Variants in TMEM108 observed in about 807,000 individuals in gnomAD.
TMEM108 encodes the protein cancer/testis antigen 124.
TMEM108 carries 12 observed loss-of-function variants against 35.1 expected under a neutral mutation model. The ratio of observed to expected loss-of-function variants is 0.34; its 90% CI spans 0.22 to 0.55. The LOEUF is 0.55. Ranked by LOEUF, TMEM108 falls within the 20% of genes least tolerant of loss-of-function variation. The probability of loss-of-function intolerance (pLI) is 0.89; values close to 1 mark genes in which losing one functional copy is unlikely to be tolerated. For missense variants in TMEM108, 680 were observed against 753.3 expected (o/e 0.90, Z 1.14); for synonymous variants, 287 against 308.6 (o/e 0.93, Z 0.73).
chr3:133,325,498 TAA>T (rs1350936365), intron 3 of TMEM108, among the ~76,000 whole-genome samples: 3 of 152,134 alleles, frequency 2.0e-5, no homozygotes, highest in South Asian at 4.1e-4. Context: ...AAAAATTACT[TAA>T]GAGACAACAA....
rs768298611 is a variant in TMEM108 at position 133,395,979 on chromosome 3, A to G, written c.1721A>G (p.Glu574Gly). The part of the protein sequence containing the change: ...TLFVGNDQVS[E>G]I ...TTTGTGGGAAACGATCAAGTATCTG[A>G]GATCTAACTACAGCAGGCATCACTT... The change falls in exon 6 of 6, where the codon GAG becomes GGG. Residue 574 changes from glutamate (E) to glycine (G), a missense_variant. Around this residue, in one of 3 missense-constraint regions of TMEM108, gnomAD observed 105 missense variants for 150.7 expected, o/e 0.70. Coordinates refer to ENST00000321871, the MANE Select transcript of TMEM108 (RefSeq NM_023943.4). 10 of 1,595,034 alleles carry G rather than the reference A, an allele frequency of 6.3e-6. No individual in the cohort carries two copies. Among genetic ancestry groups the G allele is most frequent in the Non-Finnish European group, 8.5e-6 (10 of 1,171,260 alleles).
Position 133,116,207 on chromosome 3 carries a change from G to A in TMEM108, c.-47+70187G>A, listed in dbSNP as rs538216566. On this transcript the variant is annotated intron_variant, in intron 2 of 5. Coordinates refer to ENST00000321871, the MANE Select transcript of TMEM108 (RefSeq NM_023943.4). Reference sequence around the variant, plus strand: ...CTCATTTCTCTGGGGCATTGTCTTCGTAAACATTTTGTGATGCATCAGTAA... The same window carrying A: ...CTCATTTCTCTGGGGCATTGTCTTCATAAACATTTTGTGATGCATCAGTAA... Among the ~76,000 whole-genome samples, 11 of 152,146 alleles carry A rather than the reference G, an allele frequency of 7.2e-5. No individual in the cohort carries two copies. The South Asian group carries it at 8.3e-4, about 11-fold the overall frequency.
chr3:133,303,530 T>C (rs1335466953), intron 3 of TMEM108, among the ~76,000 whole-genome samples: 1 of 152,054 alleles, frequency 6.6e-6, no homozygotes, highest in Non-Finnish European at 1.5e-5. Context: ...CTTCCTAATG[T>C]CCCCCTTCTA....
chr3:133,039,399 C>T (rs998771711), intron 1 of TMEM108, among the ~76,000 whole-genome samples: 10 of 152,152 alleles, frequency 6.6e-5, no homozygotes, highest in Non-Finnish European at 1.3e-4. Context: ...ACTCACACGT[C>T]CTTAATTCTT....
rs765970493 is a variant in TMEM108, at chr3:133,381,118, C to T, written c.1407C>T (p.Ile469=). ...RATICLSKMD[I]AWVILAISVP... Reference sequence around the variant, plus strand: ...CCATCTGCCTGAGCAAGATGGATATCGCCTGGGTGATCCTGGCCATCAGCG... The same window carrying T: ...CCATCTGCCTGAGCAAGATGGATATTGCCTGGGTGATCCTGGCCATCAGCG... Residue 469 remains isoleucine, a synonymous_variant, in exon 4 of 6, where the codon ATC becomes ATT. Coordinates refer to ENST00000321871, the MANE Select transcript of TMEM108 (RefSeq NM_023943.4). The T allele has an allele frequency of 4.3e-6, 7 of 1,611,566 alleles. No individual in the cohort carries two copies. The South Asian group carries it at 4.4e-5, about 10-fold the overall frequency.
At chr3:133,361,491 G>A (rs2072347956) in intron 3 of TMEM108, among the ~76,000 whole-genome samples, 1 of 152,192 alleles carries the variant, frequency 6.6e-6, no homozygotes, top group Admixed American at 6.5e-5. Context: ...CCAAAAATTA[G>A]CATCTTAAAA....
At chr3:133,078,831 A>G (rs1312857884) in intron 2 of TMEM108, among the ~76,000 whole-genome samples, 2 of 152,196 alleles carry the variant, frequency 1.3e-5, no homozygotes, top group Admixed American at 1.3e-4. Context: ...TGGATCTTGT[A>G]GGAAAAAGAC....
At position 133,337,874 on chromosome 3, in the gene TMEM108, A is replaced by G. The variant is rs188531733; in HGVS notation, c.41-41878A>G. Among the ~76,000 whole-genome samples the G allele has an allele frequency of 6.7e-3, 1,027 of 152,302 alleles. 17 individuals are homozygous for G. Among genetic ancestry groups the G allele is most frequent in the African/African-American group, 0.023 (963 of 41,570 alleles). On this transcript the variant is annotated intron_variant, in intron 3 of 5. Transcript: ENST00000321871. ...AAACAGATTGAAATAATTAAAAACA[A>G]TCAAGCAGAAATACTGGAGTTGAAA... is the stretch of plus-strand genomic sequence containing the variant.
intron 3 of TMEM108, among the ~76,000 whole-genome samples, chr3:133,362,652 G>A (rs979525458): frequency 2.0e-5 from 3 of 152,128 alleles, no homozygotes; most frequent in Admixed American, 6.5e-5. Context: ...TAGGAAAGGA[G>A]CTCTGCAGCC....
At chr3:133,375,067 C>G (rs1414866108) in intron 3 of TMEM108, among the ~76,000 whole-genome samples, 15 of 152,234 alleles carry the variant, frequency 9.9e-5, no homozygotes, top group Non-Finnish European at 1.5e-5. Flanking sequence ...AATAATACTA[C>G]CTGCTTCATG....
chr3:133,179,817 A>C (rs908267581), intron 2 of TMEM108, among the ~76,000 whole-genome samples: 1 of 151,978 alleles, frequency 6.6e-6, no homozygotes, highest in African/African-American at 2.4e-5. Flanking sequence ...AAAAAAATAA[A>C]ATAAAATAAA....
At chr3:133,280,572 C>T (rs1349632674) in intron 3 of TMEM108, among the ~76,000 whole-genome samples, 1 of 152,116 alleles carries the variant, frequency 6.6e-6, no homozygotes. Context: ...CTCTGTGAGG[C>T]CCGATTTAAT....
chr3:133,388,543 C>G, intron 4 of TMEM108: 1 of 985,328 alleles, frequency 1.0e-6, no homozygotes, highest in Non-Finnish European at 1.2e-6. Context: ...ACCAGCTAAT[C>G]TCTCAAATCC....
intron 3 of TMEM108, among the ~76,000 whole-genome samples, chr3:133,355,112 A>G (rs1326233959): frequency 6.6e-6 from 1 of 152,216 alleles, no homozygotes; most frequent in Admixed American, 6.5e-5. Flanking sequence ...GTGCACAGAT[A>G]TTCAGCTGGG....
At chr3:133,076,833 T>G (rs1943748427) in intron 2 of TMEM108, among the ~76,000 whole-genome samples, 1 of 152,208 alleles carries the variant, frequency 6.6e-6, no homozygotes, top group Non-Finnish European at 1.5e-5. Context: ...TTGCGCCACC[T>G]TTACAGGTTA....
chr3:133,106,642 C>T (rs1944156828), intron 2 of TMEM108, among the ~76,000 whole-genome samples: 1 of 152,168 alleles, frequency 6.6e-6, no homozygotes. Flanking sequence ...ACAGATATTG[C>T]AGCTTGCAGC....
At chr3:133,221,205 T>A (rs763875130) in intron 2 of TMEM108, among the ~76,000 whole-genome samples, 1 of 152,172 alleles carries the variant, frequency 6.6e-6, no homozygotes, top group Non-Finnish European at 1.5e-5. Context: ...GAATGTAGGA[T>A]GGGGCTGAAA....
intron 3 of TMEM108, among the ~76,000 whole-genome samples, chr3:133,272,075 G>T (rs574558097): frequency 6.6e-6 from 1 of 152,334 alleles, no homozygotes; most frequent in Admixed American, 6.5e-5. Flanking sequence ...TAACAGCTGA[G>T]CTTTGTGCCT....
intron 3 of TMEM108, among the ~76,000 whole-genome samples, chr3:133,262,880 C>G (rs1946643969): frequency 6.6e-6 from 1 of 152,172 alleles, no homozygotes; most frequent in Non-Finnish European, 1.5e-5. Flanking sequence ...GGCGTCTTTT[C>G]CAAATCTCTT....
Sources: allele counts gnomAD v4.1 joint callset (sites outside exome capture counted in the v4.1 genomes callset), GRCh38; gene constraint gnomAD v4.1.1; regional missense constraint gnomAD v4.1.1; transcripts MANE v1.5; gene names NCBI Gene and HGNC (gene_info 2026-07-23, HGNC 2026-07-21).